SLC26A7: variants seen among roughly 807,000 people sequenced by gnomAD.
SLC26A7 encodes the protein solute carrier family 26 member 7.
SLC26A7 carries 59 observed loss-of-function variants against 82.5 expected under a neutral mutation model. The ratio of observed to expected loss-of-function variants is 0.72; its 90% CI spans 0.58 to 0.89. The LOEUF (loss-of-function observed/expected upper bound fraction) is 0.89. SLC26A7 is among the 40% of genes least tolerant of loss of function. SLC26A7 has a pLI of 0.00. For synonymous variants in SLC26A7, 271 were observed against 274.3 expected, an observed-to-expected ratio of 0.99 and a Z score of 0.12; for missense variants, 820 against 793.0, an observed-to-expected ratio of 1.03 and a Z score of -0.41.
At chr8:91,360,495 CTA>C (rs1339393528) in intron 11 of SLC26A7, among the ~76,000 whole-genome samples, 1 of 152,272 alleles carries the variant, frequency 6.6e-6, no homozygotes, top group Non-Finnish European at 1.5e-5. Context: ...ATTTATTGGT[CTA>C]TGTTATTAAT....
intron 2 of SLC26A7, among the ~76,000 whole-genome samples, chr8:91,260,746 T>C (rs1306767336): frequency 2.6e-5 from 4 of 152,062 alleles, no homozygotes; most frequent in Admixed American, 1.3e-4. Context: ...TTCTTGATCA[T>C]AGTGATTCTT....
Position 91,394,030 on chromosome 8 carries a change from T to C in SLC26A7, c.1926T>C (p.His642=). 3 of 1,613,004 alleles carry C rather than the reference T, an allele frequency of 1.9e-6. No individual in the cohort carries two copies. The highest frequency in any genetic ancestry group is 2.5e-6 in the Non-Finnish European group (3 of 1,179,150). ...TATCTGCTGCAATAAGTCATATCCA[T>C]TCAAATAAGGTGAGTTGATTAAGTT... ...ESVSAAISHI[H]SNKNLSKLSD... Residue 642 remains histidine, a synonymous_variant, in exon 18 of 19, where the codon CAT becomes CAC. Coordinates refer to ENST00000276609, the MANE Select transcript of SLC26A7 (RefSeq NM_052832.4).
chr8:91,224,082 C>A (rs1810200637), intron 2 of SLC26A7, among the ~76,000 whole-genome samples: 1 of 151,838 alleles, frequency 6.6e-6, no homozygotes, highest in South Asian at 2.1e-4. Context: ...TTACTCTAAC[C>A]TTTTATCAAG....
intron 5 of SLC26A7, among the ~76,000 whole-genome samples, chr8:91,327,828 A>G (rs772300905): frequency 3.3e-5 from 5 of 152,162 alleles, no homozygotes; most frequent in African/African-American, 9.6e-5. Flanking sequence ...AAAAAATGCT[A>G]CTAAAGGGTT....
intron 11 of SLC26A7, among the ~76,000 whole-genome samples, chr8:91,358,522 G>A (rs1014530171): frequency 4.0e-5 from 6 of 151,740 alleles, no homozygotes; most frequent in African/African-American, 1.5e-4. Context: ...AGTAGAGACG[G>A]GGTTTCTCCA....
chr8:91,355,994 T>C (rs988879556), intron 11 of SLC26A7, among the ~76,000 whole-genome samples: 10 of 152,296 alleles, frequency 6.6e-5, no homozygotes, highest in African/African-American at 1.9e-4. Flanking sequence ...TTTTTTGTCC[T>C]TGCGATAGTT....
At chr8:91,271,371 G>C (rs56246557) in intron 2 of SLC26A7, among the ~76,000 whole-genome samples, 16,793 of 152,206 alleles carry the variant, frequency 0.11, 1,098 homozygotes, top group Middle Eastern at 0.22. Flanking sequence ...TAAGTGGCTA[G>C]AGCAGTGCTG....
At chr8:91,384,037 T>C (rs1368658156) in intron 15 of SLC26A7, among the ~76,000 whole-genome samples, 1 of 152,128 alleles carries the variant, frequency 6.6e-6, no homozygotes, top group African/African-American at 2.4e-5. Context: ...ACAATGCAGG[T>C]ATATTAGTTT....
At chr8:91,355,412 A>C (rs562874096) in intron 11 of SLC26A7, among the ~76,000 whole-genome samples, 4 of 151,270 alleles carry the variant, frequency 2.6e-5, no homozygotes, top group Non-Finnish European at 4.4e-5. Flanking sequence ...GTTTGTTTTT[A>C]CTTTGTTCTT....
rs149167044 is a variant in SLC26A7, at chr8:91,366,580, G to T, written c.1489G>T (p.Glu497Ter). 1.2e-5 allele frequency: 20 copies of T among 1,610,164 alleles called. No homozygotes were observed. The African/African-American group carries it at 2.4e-4, about 19-fold the overall frequency. The change falls in exon 14 of 19, where the codon GAA becomes TAA. Residue 497 changes from glutamate (E) to a stop codon, truncating the protein, a stop_gained and splice_region_variant. Transcript: ENST00000276609. LOFTEE classifies it high-confidence loss of function. ...TGAATCTGTTTTTCTCCTCCAAAAG[G>T]AAACCCTGCAGCAGGTGAAAATTAT... ...EFKVKTEMDSETLQQVKIISI... is the reference protein window; with the variant it reads ...EFKVKTEMDS
At chr8:91,295,410 G>C in intron 3 of SLC26A7, 121 bp from the exon 4 acceptor site, 1 of 1,095,354 alleles carries the variant, frequency 9.1e-7, no homozygotes, top group Non-Finnish European at 1.3e-6. Flanking sequence ...ACAGAGGAGG[G>C]GACAGTGTTT....
At chr8:91,341,751 AC>A (rs1007590017) in intron 8 of SLC26A7, among the ~76,000 whole-genome samples, 1 of 151,926 alleles carries the variant, frequency 6.6e-6, no homozygotes, top group African/African-American at 2.4e-5. Context: ...ACCTGCTAAT[AC>A]CCTTTTCCTC....
At position 91,340,409 on chromosome 8, in the gene SLC26A7, C is replaced by A. The variant is rs138790226; in HGVS notation, c.884C>A (p.Pro295His). Residue 295 changes from proline (P) to histidine (H), a missense_variant, in exon 8 of 19, where the codon CCC becomes CAC. Coordinates refer to ENST00000276609, the MANE Select transcript of SLC26A7 (RefSeq NM_052832.4). ...EVVGHIPQGI[P>H]SPRAPPMNIL... ...TATGGTCCTTCTTTCCACAGAATTC[C>A]CTCACCTAGAGCTCCCCCGATGAAC... The A allele has an allele frequency of 3.7e-6, 6 of 1,613,448 alleles. No homozygotes were observed. Among genetic ancestry groups the A allele is most frequent in the Non-Finnish European group, 5.1e-6 (6 of 1,179,654 alleles).
chr8:91,232,861 A>G (rs771252267), intron 2 of SLC26A7, among the ~76,000 whole-genome samples: 2 of 152,204 alleles, frequency 1.3e-5, no homozygotes, highest in African/African-American at 2.4e-5. Context: ...GAGAATACAG[A>G]TGATTGAATG....
At chr8:91,258,123 C>T (rs1411545970) in intron 2 of SLC26A7, among the ~76,000 whole-genome samples, 1 of 151,990 alleles carries the variant, frequency 6.6e-6, no homozygotes, top group East Asian at 1.9e-4. Flanking sequence ...ATGGGGATTA[C>T]AATTAAGGTG....
At chr8:91,287,884 C>A (rs1811753871) in intron 2 of SLC26A7, among the ~76,000 whole-genome samples, 1 of 152,140 alleles carries the variant, frequency 6.6e-6, no homozygotes, top group South Asian at 2.1e-4. Context: ...CTCACCATGC[C>A]TTTATGAAAT....
intron 5 of SLC26A7, among the ~76,000 whole-genome samples, chr8:91,332,340 T>TAA (rs923097529): frequency 7.3e-6 from 1 of 136,170 alleles, no homozygotes; most frequent in African/African-American, 2.7e-5. Flanking sequence ...ATATTATATA[T>TAA]AATATATATA....
intron 4 of SLC26A7, among the ~76,000 whole-genome samples, chr8:91,299,725 G>C (rs1812111262): frequency 6.6e-6 from 1 of 152,076 alleles, no homozygotes; most frequent in Non-Finnish European, 1.5e-5. Context: ...GACTAGTCAA[G>C]CTTTGTATTT....
Position 91,312,465 on chromosome 8 carries a change from C to T in SLC26A7, c.478-5751C>T, listed in dbSNP as rs543253044. 3.3e-5 allele frequency among the ~76,000 whole-genome samples: 5 copies of T among 152,180 alleles called. No homozygotes were observed. In the East Asian group the frequency reaches 7.7e-4, roughly 23 times the overall value. On this transcript the variant is annotated intron_variant, in intron 4 of 18. Transcript: ENST00000276609. The stretch of plus-strand genomic sequence containing the variant: ...CTTTCAATGTTTATTTGCATGTATA[C>T]CCCAAAATGGAATTGTTGGACCATA...
Sources: allele counts gnomAD v4.1 joint callset (sites outside exome capture counted in the v4.1 genomes callset), GRCh38; gene constraint gnomAD v4.1.1; transcripts MANE v1.5; gene names NCBI Gene and HGNC (gene_info 2026-07-23, HGNC 2026-07-21).